NLGN4Y: variants seen among roughly 807,000 people sequenced by gnomAD.
NLGN4Y encodes the protein neuroligin-4, Y-linked.
NLGN4Y carries 4 observed loss-of-function variants against 8.4 expected under a neutral mutation model. That is an observed-to-expected ratio of 0.48 (90% CI 0.23 to 1.09). The LOEUF is 1.09. Among genes scored for constraint, NLGN4Y ranks in the 50% least tolerant of loss-of-function variants. NLGN4Y has a pLI of 0.19. For missense variants in NLGN4Y, 90 were observed against 192.3 expected (o/e 0.47, Z 3.15); for synonymous variants, 35 against 75.6 (o/e 0.46, Z 2.78).
At chrY:14,697,563 A>G in intron 2 of NLGN4Y, among the ~76,000 whole-genome samples, 1 of 29,796 alleles carries the variant, frequency 3.4e-5, no homozygotes, top group Non-Finnish European at 7.9e-5. Flanking sequence ...ACAGGTAGAC[A>G]GGTATATAGA....
chrY:14,535,458 G>A, intron 1 of NLGN4Y, among the ~76,000 whole-genome samples: 1 of 32,862 alleles, frequency 3.0e-5, no homozygotes, highest in South Asian at 6.9e-4. Flanking sequence ...TTAATGCTGT[G>A]TAAAACAGTA....
intron 4 of NLGN4Y, among the ~76,000 whole-genome samples, chrY:14,772,986 G>A (rs2081111879): frequency 3.0e-5 from 1 of 33,256 alleles, no homozygotes; most frequent in Non-Finnish European, 7.4e-5. Flanking sequence ...AAAGATGGAA[G>A]CATTTCATTT....
intron 2 of NLGN4Y, among the ~76,000 whole-genome samples, chrY:14,634,657 G>A: frequency 2.9e-5 from 1 of 34,209 alleles, no homozygotes; most frequent in Non-Finnish European, 7.3e-5. Flanking sequence ...TAATGGTGAA[G>A]GTAAGCATTG....
In NLGN4Y at chrY:14,841,741, C is replaced by A. The variant is rs1368231153; in HGVS notation, c.*479C>A. On this transcript the variant is annotated 3_prime_UTR_variant, in exon 7 of 7. Coordinates refer to ENST00000684976, the MANE Select transcript of NLGN4Y (RefSeq NM_001365588.1). ...TTTACACAGCACATGAAGCAGTAAT[C>A]CAGAAAGAAGGAAATGCAGAATTTT... The A allele has an allele frequency of 8.2e-6, 1 of 121,261 alleles. No homozygotes were observed. The highest frequency in any genetic ancestry group is 3.9e-5 in the South Asian group (1 of 25,681). 30.2% of individuals were successfully genotyped at this position (121,261 alleles called of 400,897 possible). A position where few individuals can be genotyped will look rare whatever the true frequency, so the allele number is the denominator to read the frequency against.
chrY:14,555,746 T>C (rs775969362), intron 1 of NLGN4Y, among the ~76,000 whole-genome samples: 1 of 33,845 alleles, frequency 3.0e-5, no homozygotes, highest in South Asian at 6.7e-4. Flanking sequence ...GATTATTTTA[T>C]GTGAGTAATG....
chrY:14,681,347 G>A, intron 2 of NLGN4Y, among the ~76,000 whole-genome samples: 3 of 32,750 alleles, frequency 9.2e-5, no homozygotes, highest in Non-Finnish European at 1.5e-4. Flanking sequence ...GAAGAACCCC[G>A]TATACAACCA....
chrY:14,729,327 G>C (rs2080964736), intron 4 of NLGN4Y, among the ~76,000 whole-genome samples: 1 of 33,381 alleles, frequency 3.0e-5, no homozygotes, highest in African/African-American at 1.2e-4. Flanking sequence ...AAAGAAAGTA[G>C]ACTAGTGGTT....
intron 1 of NLGN4Y, among the ~76,000 whole-genome samples, chrY:14,613,779 T>C: frequency 2.9e-5 from 1 of 33,920 alleles, no homozygotes; most frequent in Non-Finnish European, 7.3e-5. Context: ...CATCCTTTTT[T>C]ATGGCTGCAT....
chrY:14,809,551 AT>A (rs377607524), intron 4 of NLGN4Y, among the ~76,000 whole-genome samples: 284 of 27,540 alleles, frequency 0.01, no homozygotes, highest in Middle Eastern at 0.017. Flanking sequence ...GCAGCCCACT[AT>A]TTTTTTTTTT....
intron 4 of NLGN4Y, among the ~76,000 whole-genome samples, chrY:14,813,587 C>A (rs2043090325): frequency 3.0e-5 from 1 of 33,360 alleles, no homozygotes; most frequent in Non-Finnish European, 7.4e-5. Context: ...TGGGACCAAT[C>A]AATTGTCGCA....
chrY:14,707,107 A>C, intron 2 of NLGN4Y, among the ~76,000 whole-genome samples: 1 of 12,091 alleles, frequency 8.3e-5, no homozygotes, highest in South Asian at 2.6e-3. Flanking sequence ...ATATATATAT[A>C]TATATATATA....
chrY:14,701,287 C>G lies in NLGN4Y; in HGVS notation c.473-18172C>G, dbSNP rs561627776. ...CCAACTTAGAGAGCATTCCATGGCC[C>G]TCTTTGGGACAACTGGAGTAACAAA... On this transcript the variant is annotated intron_variant, in intron 2 of 6. Transcript: ENST00000684976. Among the ~76,000 whole-genome samples, 6 of 32,262 alleles carry G rather than the reference C, an allele frequency of 1.9e-4. No individual in the cohort carries two copies. The South Asian group carries it at 4.3e-3, about 23-fold the overall frequency. 86.6% of individuals were successfully genotyped at this position (32,262 alleles called of 37,273 possible).
At chrY:14,585,240 A>G in intron 1 of NLGN4Y, among the ~76,000 whole-genome samples, 3 of 33,950 alleles carry the variant, frequency 8.8e-5, no homozygotes, top group Non-Finnish European at 2.2e-4. Flanking sequence ...CAAAAGGTAA[A>G]TGCTTGAGGG....
chrY:14,610,686 T>C, intron 1 of NLGN4Y, among the ~76,000 whole-genome samples: 1 of 32,985 alleles, frequency 3.0e-5, no homozygotes, highest in Non-Finnish European at 7.5e-5. Flanking sequence ...TTCTGTTGAT[T>C]GGGGTGAAGA....
intron 2 of NLGN4Y, among the ~76,000 whole-genome samples, chrY:14,648,342 A>G: frequency 3.0e-5 from 1 of 33,349 alleles, no homozygotes; most frequent in East Asian, 8.0e-4. Flanking sequence ...TGGGAGGTAG[A>G]AGTTGCAGTA....
chrY:14,547,696 A>G, intron 1 of NLGN4Y, among the ~76,000 whole-genome samples: 2 of 34,048 alleles, frequency 5.9e-5, no homozygotes, highest in African/African-American at 2.3e-4. Flanking sequence ...GTTATTCTGT[A>G]GGCAATGGAT....
intron 4 of NLGN4Y, among the ~76,000 whole-genome samples, chrY:14,750,234 G>T (rs2081037710): frequency 3.1e-5 from 1 of 32,495 alleles, no homozygotes; most frequent in East Asian, 8.1e-4. Flanking sequence ...GGAGTGCAGT[G>T]GTATAATCAT....
At chrY:14,574,360 G>T in intron 1 of NLGN4Y, among the ~76,000 whole-genome samples, 1 of 33,178 alleles carries the variant, frequency 3.0e-5, no homozygotes, top group East Asian at 7.9e-4. Context: ...GGCCTTCTTC[G>T]TCTCTTTTGA....
chrY:14,662,409 C>A (rs2080678107), intron 2 of NLGN4Y, among the ~76,000 whole-genome samples: 1 of 33,445 alleles, frequency 3.0e-5, no homozygotes, highest in Non-Finnish European at 7.4e-5. Flanking sequence ...CTGAGTTGAG[C>A]AAATTACTTA....
Sources: gnomAD v4.1 joint callset for allele counts (sites outside exome capture counted in the v4.1 genomes callset) on GRCh38, gnomAD v4.1.1 for gene constraint, MANE v1.5 for transcripts, NCBI Gene and HGNC (gene_info 2026-07-23, HGNC 2026-07-21) for gene names.